The following ST8SIA5 variants were observed in gnomAD, a reference collection of about 807,000 sequenced individuals.
ST8SIA5 encodes the protein alpha-2,8-sialyltransferase 8E.
In ST8SIA5, 24 loss-of-function variants were observed where a neutral mutation model predicts 40.2. The ratio of observed to expected loss-of-function variants is 0.60; its 90% confidence interval spans 0.43 to 0.84. The LOEUF is 0.84. ST8SIA5 is among the 40% of genes least tolerant of loss of function. The probability of loss-of-function intolerance (pLI) is 0.00; values close to 1 mark genes in which losing one functional copy is unlikely to be tolerated. For missense variants in ST8SIA5, 465 were observed against 498.5 expected, an observed-to-expected ratio of 0.93 and a Z score of 0.64; for synonymous variants, 198 against 201.8, an observed-to-expected ratio of 0.98 and a Z score of 0.16.
At chr18:46,714,814 G>A (rs914405637) in intron 1 of ST8SIA5, among the ~76,000 whole-genome samples, 4 of 152,212 alleles carry the variant, frequency 2.6e-5, no homozygotes, top group African/African-American at 9.7e-5. Flanking sequence ...TTGGGTTAAT[G>A]ACCTCAGTTT....
At chr18:46,728,367 C>G (rs563139288) in intron 1 of ST8SIA5, among the ~76,000 whole-genome samples, 1 of 152,206 alleles carries the variant, frequency 6.6e-6, no homozygotes, top group Non-Finnish European at 1.5e-5. Context: ...GTGGCACATG[C>G]GTAGCTATCC....
intron 1 of ST8SIA5, among the ~76,000 whole-genome samples, chr18:46,712,089 G>T (rs985300610): frequency 1.3e-5 from 2 of 152,142 alleles, no homozygotes; most frequent in African/African-American, 4.8e-5. Flanking sequence ...TCCCCACCCC[G>T]GAGTTCTGCA....
At chr18:46,692,833 C>T (rs1402433481) in intron 2 of ST8SIA5, among the ~76,000 whole-genome samples, 3 of 151,942 alleles carry the variant, frequency 2.0e-5, no homozygotes, top group African/African-American at 7.3e-5. Flanking sequence ...ACACCCTCAA[C>T]CACCTCCTCA....
chr18:46,709,335 C>T (rs974622447), intron 1 of ST8SIA5, among the ~76,000 whole-genome samples: 6 of 152,170 alleles, frequency 3.9e-5, no homozygotes, highest in South Asian at 4.1e-4. Flanking sequence ...AACGGGCCCT[C>T]GCCAGACACC....
At chr18:46,685,883 C>T (rs78736674) in intron 5 of ST8SIA5, 3 of 390,462 alleles carry the variant, frequency 7.7e-6, no homozygotes, top group East Asian at 4.6e-5. Flanking sequence ...GCCCAGAGGA[C>T]CTCCCGACAC....
Position 46,679,806 on chromosome 18 carries a change from C to T in ST8SIA5, c.*236G>A, listed in dbSNP as rs959510045. 3 of 556,486 alleles carry T rather than the reference C, an allele frequency of 5.4e-6. No individual in the cohort carries two copies. Among genetic ancestry groups the T allele is most frequent in the South Asian group, 4.4e-5 (2 of 45,364 alleles). 34.5% of individuals were successfully genotyped at this position (556,486 alleles called of 1,614,324 possible). ...CAGCATGCTAGCCAGGGCAGGTGGACGCACTGGGCGGATGCACCGGTGGGG... is the reference window on the plus strand; with the variant it reads ...CAGCATGCTAGCCAGGGCAGGTGGATGCACTGGGCGGATGCACCGGTGGGG... On this transcript the variant is annotated 3_prime_UTR_variant, in exon 7 of 7. Transcript: ENST00000315087.
chr18:46,704,434 A>C, intron 2 of ST8SIA5, 138 bp downstream of exon 2: 1 of 730,982 alleles, frequency 1.4e-6, no homozygotes, highest in Non-Finnish European at 2.3e-6. Flanking sequence ...GGCTCTGGGG[A>C]AGGAGACCTA....
chr18:46,692,109 A>G, intron 3 of ST8SIA5, 60 bp downstream of exon 3: 1 of 1,556,248 alleles, frequency 6.4e-7, no homozygotes, highest in Non-Finnish European at 8.9e-7. Flanking sequence ...TGGAGACCAG[A>G]AGAGGTGGCA....
chr18:46,734,461 G>A (rs1411176395), intron 1 of ST8SIA5, among the ~76,000 whole-genome samples: 4 of 151,942 alleles, frequency 2.6e-5, no homozygotes, highest in Non-Finnish European at 5.9e-5. Flanking sequence ...AATCTTTTGG[G>A]CAGAAATTTC....
At chr18:46,740,709 A>T (rs1216665284) in intron 1 of ST8SIA5, among the ~76,000 whole-genome samples, 1 of 152,216 alleles carries the variant, frequency 6.6e-6, no homozygotes, top group African/African-American at 2.4e-5. Context: ...TATTGAAAAT[A>T]CATCTGGTAT....
chr18:46,680,206 C>G lies in ST8SIA5; in HGVS notation c.967G>C (p.Ala323Pro). 6.2e-7 allele frequency: 1 copy of G among 1,614,206 alleles called. No homozygotes were observed. The highest frequency in any genetic ancestry group is 8.5e-7 in the Non-Finnish European group (1 of 1,180,042). The change falls in exon 7 of 7, where the codon GCC becomes CCC. Residue 323 changes from alanine to proline, a missense_variant. By Grantham distance (27) the Ala-to-Pro change is conservative. Coordinates refer to ENST00000315087, the MANE Select transcript of ST8SIA5 (RefSeq NM_013305.6). The stretch of plus-strand genomic sequence containing the variant: ...AGGCCCGAGGGGTTCATGGGGAAGG[C>G]CCAGAAGCCAAAGAGGTGCACCTCC... Reference protein sequence around the residue: ...CEEVHLFGFWAFPMNPSGLYI... With the variant: ...CEEVHLFGFWPFPMNPSGLYI...
intron 1 of ST8SIA5, among the ~76,000 whole-genome samples, chr18:46,736,271 G>T (rs1318279496): frequency 2.0e-5 from 3 of 152,216 alleles, no homozygotes; most frequent in Non-Finnish European, 4.4e-5. Flanking sequence ...CTAGTGGCTA[G>T]TGGACAGTGC....
intron 1 of ST8SIA5, among the ~76,000 whole-genome samples, chr18:46,743,788 G>A (rs2040110579): frequency 6.6e-6 from 1 of 152,090 alleles, no homozygotes; most frequent in South Asian, 2.1e-4. Context: ...TTGAAATGAA[G>A]GAAAAAAGGT....
At chr18:46,684,324 A>G (rs1180870062) in intron 5 of ST8SIA5, among the ~76,000 whole-genome samples, 1 of 152,236 alleles carries the variant, frequency 6.6e-6, no homozygotes, top group Non-Finnish European at 1.5e-5. Flanking sequence ...AGCAAGGAAT[A>G]TCATCCCCTC....
At chr18:46,709,850 T>C (rs1175146839) in intron 1 of ST8SIA5, among the ~76,000 whole-genome samples, 3 of 152,228 alleles carry the variant, frequency 2.0e-5, no homozygotes, top group African/African-American at 7.2e-5. Flanking sequence ...AATGGGGTTA[T>C]GATTCTTTTA....
chr18:46,712,941 G>A (rs1439791151), intron 1 of ST8SIA5, among the ~76,000 whole-genome samples: 1 of 152,232 alleles, frequency 6.6e-6, no homozygotes, highest in African/African-American at 2.4e-5. Flanking sequence ...GTGCAGATGT[G>A]TGGGAAGAAC....
At chr18:46,746,773 C>CA (rs36168828) in intron 1 of ST8SIA5, among the ~76,000 whole-genome samples, 109,101 of 149,900 alleles carry the variant, frequency 0.73, 40,010 homozygotes, top group Middle Eastern at 0.8. Flanking sequence ...CAATCCTAAG[C>CA]AAAAAAAAAC....
intron 2 of ST8SIA5, among the ~76,000 whole-genome samples, chr18:46,699,774 G>A (rs2039593523): frequency 1.3e-5 from 2 of 152,292 alleles, no homozygotes; most frequent in African/African-American, 2.4e-5. Context: ...TACTGAGCTG[G>A]CATAGGGCCA....
At chr18:46,747,516 A>G (rs2040152241) in intron 1 of ST8SIA5, among the ~76,000 whole-genome samples, 1 of 152,236 alleles carries the variant, frequency 6.6e-6, no homozygotes, top group Non-Finnish European at 1.5e-5. Flanking sequence ...CAAAACCACA[A>G]TGAGATACCA....
Sources: gnomAD v4.1 joint callset for allele counts (sites outside exome capture counted in the v4.1 genomes callset) on GRCh38, gnomAD v4.1.1 for gene constraint, MANE v1.5 for transcripts, NCBI Gene and HGNC (gene_info 2026-07-23, HGNC 2026-07-21) for gene names.